Variants in HRH3 observed in about 807,000 individuals in gnomAD.
HRH3 encodes the protein histamine receptor H3, also known as histamine H3 receptor.
A neutral mutation model predicts 21.6 loss-of-function variants in HRH3; 13 were observed. The ratio of observed to expected loss-of-function variants is 0.60; its 90% CI spans 0.39 to 0.96. The LOEUF (loss-of-function observed/expected upper bound fraction) is 0.96. Among genes scored for constraint, HRH3 ranks in the 40% least tolerant of loss-of-function variants. The pLI is 0.00. For synonymous variants in HRH3, 276 were observed against 290.3 expected, an observed-to-expected ratio of 0.95 and a Z score of 0.50; for missense variants, 461 against 622.7, an observed-to-expected ratio of 0.74 and a Z score of 2.76.
Position 62,219,541 on chromosome 20 carries a change from A to G in HRH3, c.250+180T>C, listed in dbSNP as rs1978722794. On this transcript the variant is annotated intron_variant, in intron 1 of 2. Transcript: ENST00000340177. The surrounding 1 kb of genome is among the most constrained non-coding windows in gnomAD (Gnocchi z 8.7). Reference sequence around the variant, plus strand: ...TCCCCAGCCCCTGTCCCGAGGCCTGAGTGGCAAGGAACTTCGCCTGTGCCC... The same window carrying G: ...TCCCCAGCCCCTGTCCCGAGGCCTGGGTGGCAAGGAACTTCGCCTGTGCCC... Among the ~76,000 whole-genome samples, 1 of 151,942 alleles carries G rather than the reference A, an allele frequency of 6.6e-6. No individual in the cohort carries two copies. Among genetic ancestry groups the G allele is most frequent in the Non-Finnish European group, 1.5e-5 (1 of 67,968 alleles).
Position 62,219,233 on chromosome 20 carries a change from G to GC in HRH3, c.250+487dup, listed in dbSNP as rs1978708614. 1.1e-5 allele frequency among the ~76,000 whole-genome samples: 1 copy of GC among 92,534 alleles called. No individual in the cohort carries two copies. The highest frequency in any genetic ancestry group is 2.2e-5 in the Non-Finnish European group (1 of 44,546). 60.7% of individuals were successfully genotyped at this position (92,534 alleles called of 152,430 possible). A position where few individuals can be genotyped will look rare whatever the true frequency, so the allele number is the denominator to read the frequency against. The stretch of plus-strand genomic sequence containing the variant: ...CGCTCCAGCCCCCTCCGCGTGCCCC[G>GC]CCCCCCAGCCGGCAGCAGAGCCTGG... On this transcript the variant is annotated intron_variant, in intron 1 of 2. Coordinates refer to ENST00000340177, the MANE Select transcript of HRH3 (RefSeq NM_007232.3). This position sits in a 1 kb window ranked among gnomAD's most constrained non-coding sequence, Gnocchi z 8.7.
rs1011321044 is a variant in HRH3, at chr20:62,219,714, G to T, written c.250+7C>A. On this transcript the variant is annotated splice_region_variant and intron_variant, in intron 1 of 2. Transcript: ENST00000340177. The surrounding 1 kb of genome is among the most constrained non-coding windows in gnomAD (Gnocchi z 8.7). ...GGGTCCCCAGCGGCCAGGGGCTGGG[G>T]ATTTACCGACGAGGAAGTCGGAGAT... is the stretch of plus-strand genomic sequence containing the variant. The T allele has an allele frequency of 6.3e-7, 1 of 1,593,140 alleles. No homozygotes were observed. The highest frequency in any genetic ancestry group is 8.6e-7 in the Non-Finnish European group (1 of 1,169,414).
At position 62,219,054 on chromosome 20, in the gene HRH3, G is replaced by A. The variant is rs1978697795; in HGVS notation, c.251-397C>T. On this transcript the variant is annotated intron_variant, in intron 1 of 2. Transcript: ENST00000340177. The surrounding 1 kb of genome is among the most constrained non-coding windows in gnomAD (Gnocchi z 8.7). ...GACTCCAGCCCCTACCCTGGCGCTG[G>A]ACAACCCTCGGTCTCAGCTTAGACA... is the stretch of plus-strand genomic sequence containing the variant. Among the ~76,000 whole-genome samples the A allele has an allele frequency of 6.6e-6, 1 of 151,432 alleles. No individual in the cohort carries two copies. Among genetic ancestry groups the A allele is most frequent in the Non-Finnish European group, 1.5e-5 (1 of 67,810 alleles).
chr20:62,217,176 C>T (rs768984292), intron 2 of HRH3, among the ~76,000 whole-genome samples: 52 of 152,332 alleles, frequency 3.4e-4, no homozygotes, highest in Non-Finnish European at 7.1e-4. Context: ...CCCTCACTCT[C>T]TGCTAGGCTG....
In HRH3 at chr20:62,220,042, C is replaced by A; in HGVS notation, c.-72G>T. On this transcript the variant is annotated 5_prime_UTR_variant, in exon 1 of 3. Coordinates refer to ENST00000340177, the MANE Select transcript of HRH3 (RefSeq NM_007232.3). ...CCGAGAGCTGGGCGGCCGGGAGGGG[C>A]CCCGGCCCGGGAGCCTCGTCTTTGC... is the stretch of plus-strand genomic sequence containing the variant. The A allele has an allele frequency of 1.0e-6, 1 of 984,086 alleles. No individual in the cohort carries two copies. Among genetic ancestry groups the A allele is most frequent in the Non-Finnish European group, 1.2e-6 (1 of 829,628 alleles). The allele number at this position is 984,086 out of a possible 1,614,324, so 61.0% of individuals were successfully genotyped here.
intron 2 of HRH3, among the ~76,000 whole-genome samples, chr20:62,217,273 C>T (rs1978613667): frequency 1.3e-5 from 2 of 152,216 alleles, no homozygotes; most frequent in Admixed American, 1.3e-4. Flanking sequence ...CAGCATCAGC[C>T]CCAGACCACG....
rs1168730316 is a variant in HRH3, at chr20:62,219,704, AG to A, written c.250+16del. On this transcript the variant is annotated intron_variant, in intron 1 of 2. Transcript: ENST00000340177. This position sits in a 1 kb window ranked among gnomAD's most constrained non-coding sequence, Gnocchi z 8.7. Reference sequence around the variant, plus strand: ...GGGCGCCCCTGGGTCCCCAGCGGCCAGGGGCTGGGGATTTACCGACGAGGAA... The same window carrying A: ...GGGCGCCCCTGGGTCCCCAGCGGCCAGGGCTGGGGATTTACCGACGAGGAA... The A allele has an allele frequency of 6.3e-7, 1 of 1,587,366 alleles. No homozygotes were observed. Among genetic ancestry groups the A allele is most frequent in the Non-Finnish European group, 8.6e-7 (1 of 1,166,200 alleles).
At position 62,216,454 on chromosome 20, in the gene HRH3, C is replaced by T. The variant is rs1013630432; in HGVS notation, c.890G>A (p.Gly297Asp). ...GGAGGTGGGTGAAGCCACGGAGCCG[C>T]CCCCACCGCCACCCCCGAGGGTCGC... ...GEATLGGGGG[G>D]GSVASPTSSS... is the part of the protein sequence containing the mutation. Residue 297 changes from glycine (G) to aspartate (D), a missense_variant, in exon 3 of 3, where the codon GGC (glycine) becomes GAC (aspartate). Gly to Asp is a moderately conservative substitution (Grantham distance 94). Transcript: ENST00000340177. 5.8e-6 allele frequency: 9 copies of T among 1,539,336 alleles called. No homozygotes were observed. Among genetic ancestry groups the T allele is most frequent in the Non-Finnish European group, 7.0e-6 (8 of 1,140,980 alleles).
chr20:62,219,659 C>T lies in HRH3; in HGVS notation c.250+62G>A. ...AGCCACCCAGGTCCGTGTTCCAGTCCCCGCTGGCCCGGCCACGCTGGGCGC... is the reference window on the plus strand; with the variant it reads ...AGCCACCCAGGTCCGTGTTCCAGTCTCCGCTGGCCCGGCCACGCTGGGCGC... On this transcript the variant is annotated intron_variant, in intron 1 of 2. Transcript: ENST00000340177. This position sits in a 1 kb window ranked among gnomAD's most constrained non-coding sequence, Gnocchi z 8.7. 1 of 1,536,048 alleles carries T rather than the reference C, an allele frequency of 6.5e-7. No homozygotes were observed. Among genetic ancestry groups the T allele is most frequent in the Non-Finnish European group, 8.7e-7 (1 of 1,142,998 alleles).
Position 62,218,693 on chromosome 20 carries a change from C to G in HRH3, c.251-36G>C, listed in dbSNP as rs765689427. On this transcript the variant is annotated intron_variant, in intron 1 of 2. Coordinates refer to ENST00000340177, the MANE Select transcript of HRH3 (RefSeq NM_007232.3). This position sits in a 1 kb window ranked among gnomAD's most constrained non-coding sequence, Gnocchi z 5.6. ...TAGGGCCACAGTGGGACCATGCAGC[C>G]AGGGGCCAGGGGACAGACGGACCTA... is the stretch of plus-strand genomic sequence containing the variant. The G allele has an allele frequency of 2.5e-6, 4 of 1,598,028 alleles. No homozygotes were observed. In the East Asian group the frequency reaches 8.9e-5, roughly 36 times the overall value.
Position 62,216,257 on chromosome 20 carries a change from T to C in HRH3, c.1087A>G (p.Ile363Val). The change falls in exon 3 of 3, where the codon ATC (isoleucine) becomes GTC (valine). Residue 363 changes from isoleucine (I) to valine (V), a missense_variant. By Grantham distance (29) the Ile-to-Val change is conservative. Around this residue, in one of 6 missense-constraint regions of HRH3, gnomAD observed 102 missense variants for 166.6 expected, o/e 0.61. Transcript: ENST00000340177. ...CAGCAGAGCCCAAAGATGCTCACGA[T>C]GACGGCCAGCGACTTGGCCACTTTC... ...DRKVAKSLAV[I>V]VSIFGLCWAP... The C allele has an allele frequency of 6.2e-7, 1 of 1,612,126 alleles. No individual in the cohort carries two copies.
chr20:62,218,529 G>T lies in HRH3; in HGVS notation c.379C>A (p.Leu127Ile). The T allele has an allele frequency of 6.2e-7, 1 of 1,612,268 alleles. No homozygotes were observed. Residue 127 changes from leucine (L) to isoleucine (I), a missense_variant, in exon 2 of 3, where the codon CTC becomes ATC. By Grantham distance (5) the Leu-to-Ile change is conservative (BLOSUM62 2). This residue lies in a region of HRH3 where 74 missense variants were observed against 86.6 expected (regional missense o/e 0.85). Transcript: ENST00000340177. This position sits in a 1 kb window ranked among gnomAD's most constrained non-coding sequence, Gnocchi z 5.6. The stretch of plus-strand genomic sequence containing the variant: ...GACAGGAAGCGGTCGTAGCTGATGA[G>T]CACGATGTTGAAGGCAGAGGAGGTG... ...LCTSSAFNIV[L>I]ISYDRFLSVT...
At position 62,219,576 on chromosome 20, in the gene HRH3, TG is replaced by T; in HGVS notation, c.250+144del. On this transcript the variant is annotated intron_variant, in intron 1 of 2. Transcript: ENST00000340177. The surrounding 1 kb of genome is among the most constrained non-coding windows in gnomAD (Gnocchi z 8.7). ...AACTTCGCCTGTGCCCCCCACCCCA[TG>T]GGCTCCGGACGCCCCCTTCCCAGGC... 9.7e-7 allele frequency: 1 copy of T among 1,028,492 alleles called. No homozygotes were observed. Among genetic ancestry groups the T allele is most frequent in the Non-Finnish European group, 1.3e-6 (1 of 742,486 alleles). The allele number at this position is 1,028,492 out of a possible 1,614,324, so 63.7% of individuals were successfully genotyped here.
In HRH3 at chr20:62,220,131, G is replaced by T; in HGVS notation, c.-161C>A. 1.9e-6 allele frequency: 1 copy of T among 533,862 alleles called. No individual in the cohort carries two copies. Among genetic ancestry groups the T allele is most frequent in the South Asian group, 7.6e-5 (1 of 13,086 alleles). The allele number at this position is 533,862 out of a possible 1,614,324, so 33.1% of individuals were successfully genotyped here. On this transcript the variant is annotated 5_prime_UTR_variant, in exon 1 of 3. Coordinates refer to ENST00000340177, the MANE Select transcript of HRH3 (RefSeq NM_007232.3). ...GCGCATGGTCCGCGGGGCCGGGGCC[G>T]GGGCCAGAGCAGGCGGTGCCGAGGG...
Position 62,219,622 on chromosome 20 carries a change from T to C in HRH3, c.250+99A>G. 7.0e-7 allele frequency: 1 copy of C among 1,432,876 alleles called. No individual in the cohort carries two copies. The highest frequency in any genetic ancestry group is 1.5e-5 in the African/African-American group (1 of 66,100). The allele number at this position is 1,432,876 out of a possible 1,614,324, so 88.8% of individuals were successfully genotyped here. On this transcript the variant is annotated intron_variant, in intron 1 of 2. Transcript: ENST00000340177. The surrounding 1 kb of genome is among the most constrained non-coding windows in gnomAD (Gnocchi z 8.7). ...CCAGGCCGGGTCCCCTGGTGGGGCG[T>C]GTGCCTGCGGGAGCCACCCAGGTCC... is the stretch of plus-strand genomic sequence containing the variant.
In HRH3 at chr20:62,220,258, G is replaced by T; in HGVS notation, c.-288C>A. 1 of 149,840 alleles carries T rather than the reference G, an allele frequency of 6.7e-6. No individual in the cohort carries two copies. The highest frequency in any genetic ancestry group is 1.8e-4 in the South Asian group (1 of 5,614). 9.3% of individuals were successfully genotyped at this position (149,840 alleles called of 1,614,324 possible). ...CTGCCGGTGCGACCGTGCAGCCGGA[G>T]CGCAACGCGCAGCCGAGTGCGCCCC... On this transcript the variant is annotated 5_prime_UTR_variant, in exon 1 of 3. Coordinates refer to ENST00000340177, the MANE Select transcript of HRH3 (RefSeq NM_007232.3).
Position 62,218,612 on chromosome 20 carries a change from C to G in HRH3, c.296G>C (p.Arg99Pro). 6.2e-7 allele frequency: 1 copy of G among 1,612,342 alleles called. No individual in the cohort carries two copies. Among genetic ancestry groups the G allele is most frequent in the East Asian group, 2.2e-5 (1 of 44,878 alleles). The change falls in exon 2 of 3, where the codon CGC becomes CCC. Residue 99 changes from arginine to proline, a missense_variant. Arg to Pro is a moderately radical substitution (Grantham distance 103, BLOSUM62 -2). Around this residue, in one of 6 missense-constraint regions of HRH3, gnomAD observed 102 missense variants for 155.6 expected, o/e 0.66. Transcript: ENST00000340177. The surrounding 1 kb of genome is among the most constrained non-coding windows in gnomAD (Gnocchi z 5.6). The part of the protein sequence containing the change: ...PLYVPYVLTG[R>P]WTFGRGLCKL... ...GCAGAGGCCCCGGCCGAAGGTCCAG[C>G]GGCCTGTCAGCACGTAGGGTACATA...
rs1978751030 is a variant in HRH3 at position 62,220,090 on chromosome 20, C to T, written c.-120G>A. ...TGCGGGCCCTTGGCCGGGTCGGGTT[C>T]CCCTGGGGGCGCCCAGCGCATGGTC... On this transcript the variant is annotated 5_prime_UTR_variant, in exon 1 of 3. Transcript: ENST00000340177. 2.3e-6 allele frequency: 2 copies of T among 855,552 alleles called. No homozygotes were observed. Among genetic ancestry groups the T allele is most frequent in the Admixed American group, 1.3e-4 (2 of 15,866 alleles). 53.0% of individuals were successfully genotyped at this position (855,552 alleles called of 1,614,324 possible).
Position 62,219,926 on chromosome 20 carries a change from C to G in HRH3, c.45G>C (p.Ala15=). Residue 15 remains alanine, a synonymous_variant, in exon 1 of 3, where the codon GCG becomes GCC. Coordinates refer to ENST00000340177, the MANE Select transcript of HRH3 (RefSeq NM_007232.3). The surrounding 1 kb of genome is among the most constrained non-coding windows in gnomAD (Gnocchi z 8.7). ...CCGCCGCCGCCGCCTCGCCCGCCAG[C>G]GCCCCCGAAGCGTTCAGCGGCCCGT... ...PPDGPLNASG[A]LAGEAAAAGG... The G allele has an allele frequency of 7.7e-7, 1 of 1,292,202 alleles. No homozygotes were observed. The highest frequency in any genetic ancestry group is 9.7e-7 in the Non-Finnish European group (1 of 1,026,592). The allele number at this position is 1,292,202 out of a possible 1,614,324, so 80.0% of individuals were successfully genotyped here. A position where few individuals can be genotyped will look rare whatever the true frequency, so the allele number is the denominator to read the frequency against.
Sources: gnomAD v4.1 joint callset for allele counts (sites outside exome capture counted in the v4.1 genomes callset) on GRCh38, gnomAD v4.1.1 for gene constraint, gnomAD v4.1.1 regional missense constraint, Gnocchi (gnomAD v3.1) non-coding constraint, MANE v1.5 for transcripts, NCBI Gene and HGNC (gene_info 2026-07-23, HGNC 2026-07-21) for gene names.